ZBTB40: variants seen among roughly 807,000 people sequenced by gnomAD.
ZBTB40 encodes the protein zinc finger and BTB domain containing 40.
In ZBTB40, 60 loss-of-function variants were observed where a neutral mutation model predicts 117.5. That is an observed-to-expected ratio of 0.51 (90% CI 0.41 to 0.63). The LOEUF (loss-of-function observed/expected upper bound fraction) is 0.63, where lower values mean the gene tolerates loss of function less well. Ranked by LOEUF, ZBTB40 falls within the 30% of genes least tolerant of loss-of-function variation. The pLI is 0.00. For missense variants in ZBTB40, 1,287 were observed against 1,498.5 expected (o/e 0.86, Z 2.33); for synonymous variants, 525 against 577.1 (o/e 0.91, Z 1.29).
At chr1:22,431,313 T>C (rs1042621378) in intron 1 of ZBTB40, among the ~76,000 whole-genome samples, 4 of 141,608 alleles carry the variant, frequency 2.8e-5, no homozygotes, top group Non-Finnish European at 6.0e-5. Context: ...ATATACAGTA[T>C]ATATTTATAT....
At chr1:22,448,788 G>A (rs929401491), upstream of ZBTB40, among the ~76,000 whole-genome samples, 4 of 147,676 alleles carry the variant, frequency 2.7e-5, no homozygotes, top group African/African-American at 9.7e-5. Flanking sequence ...GAGAAGTCGT[G>A]GTGGTTGTGT....
chr1:22,430,186 C>T (rs747368755), intron 1 of ZBTB40, among the ~76,000 whole-genome samples: 9 of 152,136 alleles, frequency 5.9e-5, no homozygotes, highest in Non-Finnish European at 1.3e-4. Flanking sequence ...TCTGTACATT[C>T]CTAAAATAAA....
chr1:22,514,427 A>T (rs1224063632), intron 12 of ZBTB40, among the ~76,000 whole-genome samples: 2 of 152,152 alleles, frequency 1.3e-5, no homozygotes, highest in African/African-American at 2.4e-5. Flanking sequence ...GCCCTCTGTG[A>T]TTAAGGTTCC....
At chr1:22,521,383 T>C (rs908966444) in intron 14 of ZBTB40, 113 bp from the exon 15 acceptor site, 3 of 1,339,532 alleles carry the variant, frequency 2.2e-6, no homozygotes, top group Admixed American at 1.9e-5. Flanking sequence ...GAGTGTGTGA[T>C]ACTAGAAACG....
At chr1:22,517,588 TC>T in intron 13 of ZBTB40, 124 bp downstream of exon 13, 2 of 1,203,216 alleles carry the variant, frequency 1.7e-6, no homozygotes, top group Non-Finnish European at 2.3e-6. Context: ...CCTTACCTGT[TC>T]CGCTGCAAAA....
rs571813981 is a variant in ZBTB40, at chr1:22,516,981, T to C, written c.2669-319T>C. On this transcript the variant is annotated intron_variant, in intron 12 of 17. Transcript: ENST00000375647. The stretch of plus-strand genomic sequence containing the variant: ...ACCCACGTGTTTCTGGGCACAGGGA[T>C]GTATCTGGTTGCGGGAGTAGAGTGC... 3.9e-5 allele frequency among the ~76,000 whole-genome samples: 6 copies of C among 152,266 alleles called. No homozygotes were observed. The East Asian group carries it at 7.7e-4, about 20-fold the overall frequency.
At chr1:22,467,172 T>C (rs2124398126) in intron 1 of ZBTB40, among the ~76,000 whole-genome samples, 1 of 152,322 alleles carries the variant, frequency 6.6e-6, no homozygotes, top group East Asian at 1.9e-4. Context: ...CTAAAAGGCA[T>C]AAACATTAAC....
At chr1:22,492,212 G>A (rs1373444945) in intron 3 of ZBTB40, among the ~76,000 whole-genome samples, 2 of 152,312 alleles carry the variant, frequency 1.3e-5, no homozygotes, top group Admixed American at 1.3e-4. Flanking sequence ...TAACTTTAGA[G>A]CTGCTCCCTT....
At chr1:22,460,183 A>T (rs557345884) in intron 1 of ZBTB40, among the ~76,000 whole-genome samples, 2 of 152,272 alleles carry the variant, frequency 1.3e-5, no homozygotes, top group East Asian at 3.9e-4. Context: ...CAGTCAGAAC[A>T]TATTTGCTGA....
chr1:22,440,858 A>C (rs1640724223), intron 1 of ZBTB40, among the ~76,000 whole-genome samples: 1 of 152,114 alleles, frequency 6.6e-6, no homozygotes, highest in African/African-American at 2.4e-5. Context: ...TCCTTTTACT[A>C]TGCTGCTGAA....
upstream of ZBTB40, among the ~76,000 whole-genome samples, chr1:22,447,647 G>A (rs920204483): frequency 6.6e-6 from 1 of 152,242 alleles, no homozygotes; most frequent in Non-Finnish European, 1.5e-5. Flanking sequence ...CAACCAAGGC[G>A]AGGGATTCAT....
At chr1:22,453,669 T>C (rs1640936562) in intron 1 of ZBTB40, among the ~76,000 whole-genome samples, 1 of 152,226 alleles carries the variant, frequency 6.6e-6, no homozygotes, top group African/African-American at 2.4e-5. Context: ...AATATTACCA[T>C]TTTACGCATA....
chr1:22,483,444 C>T (rs757882194), intron 1 of ZBTB40, among the ~76,000 whole-genome samples: 2 of 152,206 alleles, frequency 1.3e-5, no homozygotes, highest in Non-Finnish European at 2.9e-5. Context: ...TCTACATCCT[C>T]GTCAGCATTT....
At chr1:22,501,798 T>G in intron 4 of ZBTB40, 114 bp downstream of exon 4, 2 of 1,188,042 alleles carry the variant, frequency 1.7e-6, no homozygotes, top group Non-Finnish European at 2.4e-6. Context: ...GGTTTTCACA[T>G]AAGTTTCACA....
intron 1 of ZBTB40, among the ~76,000 whole-genome samples, chr1:22,478,598 T>C (rs532724504): frequency 1.3e-5 from 2 of 152,244 alleles, no homozygotes; most frequent in South Asian, 4.1e-4. Flanking sequence ...ACCCACTTCA[T>C]AGGGTTGTTG....
chr1:22,502,591 T>C (rs112153491), intron 5 of ZBTB40, 150 bp downstream of exon 5: 9 of 1,120,284 alleles, frequency 8.0e-6, no homozygotes, highest in African/African-American at 4.6e-5. Flanking sequence ...TTTCATATCC[T>C]GTTGCATTCC....
chr1:22,512,461 A>G (rs772825607), intron 11 of ZBTB40, among the ~76,000 whole-genome samples: 1 of 152,254 alleles, frequency 6.6e-6, no homozygotes, highest in East Asian at 1.9e-4. Flanking sequence ...TACTGTTTAC[A>G]GTGATAACCA....
chr1:22,504,695 A>G (rs188871708), intron 5 of ZBTB40, among the ~76,000 whole-genome samples: 44 of 152,348 alleles, frequency 2.9e-4, no homozygotes, highest in Admixed American at 1.6e-3. Context: ...TACAGTAACA[A>G]CTGTGCAAGA....
intron 17 of ZBTB40, 78 bp downstream of exon 17, chr1:22,524,522 G>A (rs1639625387): frequency 3.4e-6 from 5 of 1,457,872 alleles, no homozygotes; most frequent in Non-Finnish European, 4.7e-6. Flanking sequence ...CTCTGTCATA[G>A]TACCCAGAGA....
Sources: allele counts gnomAD v4.1 joint callset (sites outside exome capture counted in the v4.1 genomes callset), GRCh38; gene constraint gnomAD v4.1.1; transcripts MANE v1.5; gene names NCBI Gene and HGNC (gene_info 2026-07-23, HGNC 2026-07-21).